The following LCA5 variants were observed in gnomAD, a reference collection of about 807,000 sequenced individuals.
LCA5 encodes the protein lebercilin LCA5.
LCA5 carries 37 observed loss-of-function variants against 53.0 expected under a neutral mutation model. The ratio of observed to expected loss-of-function variants is 0.70; its 90% CI spans 0.54 to 0.92. LCA5 has a LOEUF of 0.92. Among genes scored for constraint, LCA5 ranks in the 40% least tolerant of loss-of-function variants. The pLI, the probability that LCA5 is intolerant of heterozygous loss-of-function variation, is 0.00. For synonymous variants in LCA5, 303 were observed against 282.9 expected, an observed-to-expected ratio of 1.07 and a Z score of -0.71; for missense variants, 806 against 790.5, an observed-to-expected ratio of 1.02 and a Z score of -0.23.
At chr6:79,526,033 G>C (rs984492536) in intron 1 of LCA5, among the ~76,000 whole-genome samples, 2 of 152,202 alleles carry the variant, frequency 1.3e-5, no homozygotes, top group African/African-American at 4.8e-5. Flanking sequence ...CGTGTAACTT[G>C]TCAAAGAGTA....
At chr6:79,499,538 T>C (rs1475184338) in intron 3 of LCA5, among the ~76,000 whole-genome samples, 1 of 151,994 alleles carries the variant, frequency 6.6e-6, no homozygotes, top group East Asian at 1.9e-4. Context: ...AAATATTCTT[T>C]TTCTGTATAT....
chr6:79,509,453 C>CA (rs55961532), intron 3 of LCA5, among the ~76,000 whole-genome samples: 14,072 of 83,894 alleles, frequency 0.17, 1,469 homozygotes, highest in East Asian at 0.64. Context: ...GACTCCGTCT[C>CA]AAAAAAAAAA....
chr6:79,527,818 GA>G (rs1181629927), intron 1 of LCA5, among the ~76,000 whole-genome samples: 1 of 152,170 alleles, frequency 6.6e-6, no homozygotes, highest in Non-Finnish European at 1.5e-5. Context: ...CACAGGGAAA[GA>G]CCCCCTAGGG....
At chr6:79,524,400 C>A (rs1766720316) in intron 1 of LCA5, among the ~76,000 whole-genome samples, 1 of 152,152 alleles carries the variant, frequency 6.6e-6, no homozygotes, top group South Asian at 2.1e-4. Flanking sequence ...CGTTATTTTA[C>A]CTCACACTTG....
At chr6:79,503,669 C>T (rs1028140354) in intron 3 of LCA5, among the ~76,000 whole-genome samples, 2 of 152,156 alleles carry the variant, frequency 1.3e-5, no homozygotes, top group African/African-American at 4.8e-5. Context: ...AAACTTTATC[C>T]CTAACCCTAT....
At chr6:79,509,577 A>G (rs1350153283) in intron 3 of LCA5, among the ~76,000 whole-genome samples, 1 of 152,206 alleles carries the variant, frequency 6.6e-6, no homozygotes, top group East Asian at 1.9e-4. Context: ...TATAGAGCAG[A>G]TAAATCCAGT....
intron 1 of LCA5, among the ~76,000 whole-genome samples, chr6:79,534,781 A>G (rs1227659197): frequency 2.0e-5 from 3 of 152,160 alleles, no homozygotes; most frequent in Admixed American, 6.5e-5. Flanking sequence ...AAAAGAAGAC[A>G]GTGAAGTACG....
intron 6 of LCA5, among the ~76,000 whole-genome samples, chr6:79,491,071 G>A (rs1281516143): frequency 6.6e-6 from 1 of 151,470 alleles, no homozygotes; most frequent in African/African-American, 2.4e-5. Flanking sequence ...ATTAAACCTA[G>A]TCAAATTCTA....
intron 3 of LCA5, among the ~76,000 whole-genome samples, chr6:79,502,339 T>C (rs1770163418): frequency 6.6e-6 from 1 of 152,206 alleles, no homozygotes; most frequent in Non-Finnish European, 1.5e-5. Context: ...AAACTCATAA[T>C]CCAATAGTTA....
intron 2 of LCA5, among the ~76,000 whole-genome samples, chr6:79,516,879 T>G (rs1267208986): frequency 2.0e-5 from 3 of 151,940 alleles, no homozygotes; most frequent in Non-Finnish European, 4.4e-5. Flanking sequence ...TTAATATTAT[T>G]GAAAAAACAA....
chr6:79,530,661 C>A (rs1467651628), intron 1 of LCA5, among the ~76,000 whole-genome samples: 1 of 152,106 alleles, frequency 6.6e-6, no homozygotes, highest in Non-Finnish European at 1.5e-5. Flanking sequence ...ATTTAATAAG[C>A]AAGTACATCC....
intron 1 of LCA5, among the ~76,000 whole-genome samples, chr6:79,519,606 A>G (rs1468004146): frequency 6.6e-6 from 1 of 151,816 alleles, no homozygotes; most frequent in African/African-American, 2.4e-5. Flanking sequence ...AGTCCCAGCT[A>G]CTCAGGAGGC....
At chr6:79,532,844 C>G (rs1157433564) in intron 1 of LCA5, among the ~76,000 whole-genome samples, 1 of 152,074 alleles carries the variant, frequency 6.6e-6, no homozygotes, top group African/African-American at 2.4e-5. Context: ...CTGTTTAGTT[C>G]ACCATAGTAA....
intron 3 of LCA5, among the ~76,000 whole-genome samples, chr6:79,508,431 A>G (rs955144746): frequency 1.3e-5 from 2 of 152,158 alleles, no homozygotes; most frequent in African/African-American, 4.8e-5. Context: ...AGTTTTTCAC[A>G]GCTCAGCTAG....
chr6:79,492,724 G>T, intron 4 of LCA5, 77 bp from the exon 5 acceptor site: 1 of 762,736 alleles, frequency 1.3e-6, no homozygotes, highest in African/African-American at 1.8e-5. Flanking sequence ...TTTGTCATCT[G>T]GTATTTTCTT....
rs1769608966 is a variant in LCA5 at position 79,485,112 on chromosome 6, A to G, written c.*1892T>C. On this transcript the variant is annotated 3_prime_UTR_variant, in exon 8 of 8. Coordinates refer to ENST00000369846, the MANE Select transcript of LCA5 (RefSeq NM_001122769.3). The stretch of plus-strand genomic sequence containing the variant: ...GGAAAACCCTGTTTTGTACATTTTA[A>G]TCTCCAATTTTAATGCTTAATATCA... 6.6e-6 allele frequency: 1 copy of G among 152,558 alleles called. No homozygotes were observed. Among genetic ancestry groups the G allele is most frequent in the African/African-American group, 2.4e-5 (1 of 41,454 alleles). The allele number at this position is 152,558 out of a possible 1,614,324, so 9.5% of individuals were successfully genotyped here.
chr6:79,524,339 G>T (rs959964072), intron 1 of LCA5, among the ~76,000 whole-genome samples: 15 of 152,106 alleles, frequency 9.9e-5, no homozygotes, highest in African/African-American at 2.9e-4. Context: ...TTCAGAAAGG[G>T]TTTATGGTTT....
At chr6:79,496,668 G>A (rs1355520322) in intron 3 of LCA5, among the ~76,000 whole-genome samples, 1 of 152,064 alleles carries the variant, frequency 6.6e-6, no homozygotes, top group African/African-American at 2.4e-5. Flanking sequence ...GAGGAGTAGT[G>A]GGCAGGGATT....
intron 2 of LCA5, among the ~76,000 whole-genome samples, chr6:79,514,885 C>T (rs1481069985): frequency 6.6e-6 from 1 of 151,878 alleles, no homozygotes; most frequent in African/African-American, 2.4e-5. Flanking sequence ...GAGGAGAGAG[C>T]AGATCAGGAA....
Sources: allele counts gnomAD v4.1 joint callset (sites outside exome capture counted in the v4.1 genomes callset), GRCh38; gene constraint gnomAD v4.1.1; transcripts MANE v1.5; gene names NCBI Gene and HGNC (gene_info 2026-07-23, HGNC 2026-07-21).